The following ATRN variants were observed in gnomAD, a reference collection of about 807,000 sequenced individuals.
ATRN encodes attractin-2.
ATRN carries 54 observed loss-of-function variants against 178.7 expected under a neutral mutation model. The ratio of observed to expected loss-of-function variants is 0.30; its 90% confidence interval spans 0.24 to 0.38. The LOEUF is 0.38. Among genes scored for constraint, ATRN ranks in the 10% least tolerant of loss-of-function variants. The pLI is 1.00. For missense variants in ATRN, 1,443 were observed against 1,815.1 expected, an observed-to-expected ratio of 0.79 and a Z score of 3.73; for synonymous variants, 636 against 663.0, an observed-to-expected ratio of 0.96 and a Z score of 0.63.
intron 24 of ATRN, among the ~76,000 whole-genome samples, chr20:3,621,258 C>T (rs959923528): frequency 2.6e-5 from 4 of 151,986 alleles, no homozygotes; most frequent in Non-Finnish European, 4.4e-5. Context: ...CCCATGCACA[C>T]AGGCAGGGAG....
intron 1 of ATRN, among the ~76,000 whole-genome samples, chr20:3,496,221 C>G (rs2084876553): frequency 6.6e-6 from 1 of 150,720 alleles, no homozygotes; most frequent in African/African-American, 2.4e-5. Context: ...TCTTGCTTTT[C>G]TAGTTCTTTT....
intron 18 of ATRN, among the ~76,000 whole-genome samples, chr20:3,588,146 C>T (rs2086384510): frequency 6.6e-6 from 1 of 152,198 alleles, no homozygotes; most frequent in Non-Finnish European, 1.5e-5. Context: ...CCACGCCTGG[C>T]CCTTGCCATC....
rs536561666 is a variant in ATRN at position 3,538,392 on chromosome 20, A to G, written c.495-1830A>G. On this transcript the variant is annotated intron_variant, in intron 2 of 28. Coordinates refer to ENST00000262919, the MANE Select transcript of ATRN (RefSeq NM_139321.3). ...CCAGCATGGTTATAAAATATATGCTATCTTAGTTTTACTGTGAATATAGTT... is the reference window on the plus strand; with the variant it reads ...CCAGCATGGTTATAAAATATATGCTGTCTTAGTTTTACTGTGAATATAGTT... 3.3e-5 allele frequency among the ~76,000 whole-genome samples: 5 copies of G among 152,212 alleles called. 1 individual carries two copies. The South Asian group carries it at 1.0e-3, about 32-fold the overall frequency.
rs752981471 is a variant in ATRN at position 3,563,353 on chromosome 20, C to T, written c.1776C>T (p.Ala592=). Residue 592 remains alanine, a synonymous_variant, in exon 10 of 29, where the codon GCC becomes GCT. Coordinates refer to ENST00000262919, the MANE Select transcript of ATRN (RefSeq NM_139321.3). ...GAKCFSSDFM[A]YDIACDRWSV... The stretch of plus-strand genomic sequence containing the variant: ...AATGCTTCTCTTCAGATTTCATGGC[C>T]TATGACATTGGTAAGTTTCCCAAAA... The T allele has an allele frequency of 6.2e-7, 1 of 1,613,412 alleles. No homozygotes were observed. Among genetic ancestry groups the T allele is most frequent in the South Asian group, 1.1e-5 (1 of 90,928 alleles).
At chr20:3,479,566 G>T (rs759487349) in intron 1 of ATRN, among the ~76,000 whole-genome samples, 88 of 152,184 alleles carry the variant, frequency 5.8e-4, no homozygotes, top group Non-Finnish European at 1.1e-3. Flanking sequence ...CAAAGGCAAA[G>T]AATTATGGAT....
At chr20:3,512,107 ATTT>A (rs755934394) in intron 1 of ATRN, among the ~76,000 whole-genome samples, 12 of 106,402 alleles carry the variant, frequency 1.1e-4, no homozygotes, top group African/African-American at 4.9e-4. Flanking sequence ...ATATATATAT[ATTT>A]TTTTTTTTTA....
chr20:3,537,938 T>C (rs2085563354), intron 2 of ATRN, among the ~76,000 whole-genome samples: 1 of 151,096 alleles, frequency 6.6e-6, no homozygotes, highest in African/African-American at 2.4e-5. Flanking sequence ...TATTATTTTT[T>C]TCATTTCTTT....
chr20:3,498,224 T>G (rs1347122906), intron 1 of ATRN, among the ~76,000 whole-genome samples: 2 of 152,286 alleles, frequency 1.3e-5, no homozygotes, highest in East Asian at 3.9e-4. Flanking sequence ...CAGGACCAGA[T>G]GAATTCACAG....
chr20:3,507,053 G>A (rs371096215), intron 1 of ATRN, among the ~76,000 whole-genome samples: 1 of 138,714 alleles, frequency 7.2e-6, no homozygotes, highest in African/African-American at 2.6e-5. Context: ...GGGAGGTTTT[G>A]TTTTTTTTTT....
chr20:3,489,975 G>T, intron 1 of ATRN: 1 of 1,006,808 alleles, frequency 9.9e-7, no homozygotes, highest in Non-Finnish European at 1.6e-6. Context: ...TCCTGTCCTT[G>T]CTTGCTTGCA....
intron 1 of ATRN, among the ~76,000 whole-genome samples, chr20:3,487,226 G>A (rs746542363): frequency 6.6e-5 from 10 of 151,934 alleles, no homozygotes; most frequent in African/African-American, 1.2e-4. Context: ...GTGCCTTTAA[G>A]CAATTTTAAT....
intron 24 of ATRN, among the ~76,000 whole-genome samples, chr20:3,617,081 C>T (rs2086854762): frequency 6.6e-6 from 1 of 152,112 alleles, no homozygotes; most frequent in Non-Finnish European, 1.5e-5. Flanking sequence ...TTCTTTTTTA[C>T]AACTTTTATA....
chr20:3,605,718 G>A (rs185966075), intron 24 of ATRN, among the ~76,000 whole-genome samples: 3 of 152,238 alleles, frequency 2.0e-5, no homozygotes, highest in Admixed American at 2.0e-4. Flanking sequence ...TGGACACATG[G>A]TGGGGAACAA....
intron 7 of ATRN, among the ~76,000 whole-genome samples, chr20:3,560,337 C>T (rs911667322): frequency 9.2e-5 from 14 of 152,100 alleles, no homozygotes; most frequent in Admixed American, 2.6e-4. Context: ...TTCTTTTTAA[C>T]GGCTGAATAA....
At chr20:3,634,756 C>T (rs976461668) in intron 26 of ATRN, among the ~76,000 whole-genome samples, 4 of 152,192 alleles carry the variant, frequency 2.6e-5, no homozygotes, top group Admixed American at 2.6e-4. Context: ...TTCATGAGAA[C>T]TTGTCATGCG....
chr20:3,496,623 A>G (rs550674482), intron 1 of ATRN, among the ~76,000 whole-genome samples: 5 of 152,212 alleles, frequency 3.3e-5, no homozygotes, highest in East Asian at 1.9e-4. Flanking sequence ...AAAAAAATGT[A>G]TATTCTGTTG....
Position 3,498,451 on chromosome 20 carries a change from G to A in ATRN, c.410+26934G>A, listed in dbSNP as rs536739715. Reference sequence around the variant, plus strand: ...ATCCTCAATAAAATACTGGCAAAGCGAATCCAGCAGCACATCAAAAAGCTT... The same window carrying A: ...ATCCTCAATAAAATACTGGCAAAGCAAATCCAGCAGCACATCAAAAAGCTT... On this transcript the variant is annotated intron_variant, in intron 1 of 28. Coordinates refer to ENST00000262919, the MANE Select transcript of ATRN (RefSeq NM_139321.3). Among the ~76,000 whole-genome samples, 708 of 152,008 alleles carry A rather than the reference G, an allele frequency of 4.7e-3. 5 individuals carry two copies. The highest frequency in any genetic ancestry group is 0.016 in the South Asian group (79 of 4,812).
chr20:3,621,356 T>G (rs915846565), intron 24 of ATRN, among the ~76,000 whole-genome samples: 2 of 117,242 alleles, frequency 1.7e-5, no homozygotes, highest in African/African-American at 5.2e-5. Flanking sequence ...CATTAGTGAT[T>G]GAGGAAGTGC....
chr20:3,580,549 A>G (rs927621587), intron 15 of ATRN, among the ~76,000 whole-genome samples: 1 of 152,216 alleles, frequency 6.6e-6, no homozygotes, highest in Admixed American at 6.5e-5. Flanking sequence ...CTTAGGACAG[A>G]GGCTGGCTGG....
Sources: allele counts gnomAD v4.1 joint callset (sites outside exome capture counted in the v4.1 genomes callset), GRCh38; gene constraint gnomAD v4.1.1; transcripts MANE v1.5; gene names NCBI Gene and HGNC (gene_info 2026-07-23, HGNC 2026-07-21).